The following SLC22A13 variants were observed in gnomAD, a reference collection of about 807,000 sequenced individuals.
The protein encoded by SLC22A13 is organic anion transporter 10.
Under a neutral mutation model 49.1 loss-of-function variants are expected in SLC22A13, and 42 were observed. The ratio of observed to expected loss-of-function variants is 0.85; its 90% CI spans 0.67 to 1.11. The LOEUF is 1.11. SLC22A13 is among the 50% of genes least tolerant of loss of function. The pLI, the probability that SLC22A13 is intolerant of heterozygous loss-of-function variation, is 0.00. For missense variants in SLC22A13, 694 were observed against 712.8 expected (o/e 0.97, Z 0.30); for synonymous variants, 282 against 293.1 (o/e 0.96, Z 0.39).
intron 1 of SLC22A13, among the ~76,000 whole-genome samples, chr3:38,269,032 G>A (rs1455762304): frequency 2.0e-5 from 3 of 152,180 alleles, no homozygotes; most frequent in East Asian, 1.9e-4. Context: ...TTAACAATTA[G>A]CATTAGTGTA....
At chr3:38,266,366 GT>G in intron 1 of SLC22A13, 128 bp downstream of exon 1, 1 of 1,104,006 alleles carries the variant, frequency 9.1e-7, no homozygotes, top group Non-Finnish European at 1.3e-6. Flanking sequence ...GGGCACATAT[GT>G]TTTTCATTTT....
rs201547069 is a variant in SLC22A13 at position 38,276,024 on chromosome 3, C to T, written c.1165C>T (p.Arg389Cys). Residue 389 changes from arginine to cysteine, a missense_variant, in exon 7 of 10, where the codon CGC (arginine) becomes TGC (cysteine). Physicochemically the swap from Arg to Cys is radical, Grantham distance 180. Coordinates refer to ENST00000311856, the MANE Select transcript of SLC22A13 (RefSeq NM_004256.4). ...SSIFMMQRFG[R>C]KWSQLGTLVL... The stretch of plus-strand genomic sequence containing the variant: ...CATCTTCATGATGCAGAGGTTTGGC[C>T]GCAAGTGGAGCCAGTTGGGGACCTT... The T allele has an allele frequency of 1.7e-5, 27 of 1,614,090 alleles. No homozygotes were observed. The highest frequency in any genetic ancestry group is 1.6e-4 in the African/African-American group (12 of 75,022).
chr3:38,278,595 G>A lies in SLC22A13; in HGVS notation c.*1130G>A, dbSNP rs958811595. 1.1e-4 allele frequency among the ~76,000 whole-genome samples: 17 copies of A among 151,940 alleles called. No individual in the cohort carries two copies. The highest frequency in any genetic ancestry group is 2.2e-4 in the Non-Finnish European group (15 of 67,980). Reference sequence around the variant, plus strand: ...AGCACTTTGGGAGGCTGAGGCGGGCGGATTACCTGAGGTCAGGAATTTGAG... The same window carrying A: ...AGCACTTTGGGAGGCTGAGGCGGGCAGATTACCTGAGGTCAGGAATTTGAG... On this transcript the variant is annotated 3_prime_UTR_variant, in exon 10 of 10. Transcript: ENST00000311856.
chr3:38,277,202 A>G, intron 9 of SLC22A13, 75 bp downstream of exon 9: 1 of 1,214,098 alleles, frequency 8.2e-7, no homozygotes, highest in South Asian at 1.4e-5. Flanking sequence ...CCAGGCCTCC[A>G]CCTCATCACT....
chr3:38,271,300 C>G (rs142966343), intron 1 of SLC22A13, among the ~76,000 whole-genome samples: 1 of 152,096 alleles, frequency 6.6e-6, no homozygotes, highest in East Asian at 1.9e-4. Context: ...TGCAGTGGCT[C>G]GTGCCTGTAA....
rs773799834 is a variant in SLC22A13, at chr3:38,275,368, A to G, written c.807-2A>G. The G allele has an allele frequency of 2.5e-6, 4 of 1,614,176 alleles. No individual in the cohort carries two copies. The highest frequency in any genetic ancestry group is 2.2e-5 in the South Asian group (2 of 91,088). On this transcript the variant is annotated splice_acceptor_variant, in intron 4 of 9. Transcript: ENST00000311856. LOFTEE classifies it high-confidence loss of function. ...AAGGTCATAGCCGTTGCTGACCCAC[A>G]GGGCTCTGCCAGAATCTGCACGTTG...
chr3:38,278,200 T>TG lies in SLC22A13; in HGVS notation c.*736dup, dbSNP rs1174700819. ...GCCTCACCCCGCCTCCTCCTGCTCA[T>TG]GCTCAGCTGCTTCTGGACCTTCCAG... On this transcript the variant is annotated 3_prime_UTR_variant, in exon 10 of 10. Transcript: ENST00000311856. 3 of 152,604 alleles carry TG rather than the reference T, an allele frequency of 2.0e-5. No individual in the cohort carries two copies. Among genetic ancestry groups the TG allele is most frequent in the Non-Finnish European group, 4.4e-5 (3 of 68,352 alleles). The allele number at this position is 152,604 out of a possible 1,614,324, so 9.5% of individuals were successfully genotyped here.
chr3:38,273,940 C>T (rs1404269739), intron 1 of SLC22A13, among the ~76,000 whole-genome samples: 2 of 152,234 alleles, frequency 1.3e-5, no homozygotes, highest in African/African-American at 4.8e-5. Context: ...GCTTTCACAG[C>T]AACTGCCAAA....
chr3:38,276,956 G>T lies in SLC22A13; in HGVS notation c.1391G>T (p.Gly464Val). 2 of 1,613,794 alleles carry T rather than the reference G, an allele frequency of 1.2e-6. No homozygotes were observed. The highest frequency in any genetic ancestry group is 1.7e-6 in the Non-Finnish European group (2 of 1,179,910). ...GLVGIFSRIG[G>V]ILTPLVILLG... The stretch of plus-strand genomic sequence containing the variant: ...GTGGGCATCTTCTCACGGATCGGGG[G>T]CATCCTCACACCACTTGTGATCCTG... Residue 464 changes from glycine to valine, a missense_variant, in exon 9 of 10, where the codon GGC (glycine) becomes GTC (valine). Coordinates refer to ENST00000311856, the MANE Select transcript of SLC22A13 (RefSeq NM_004256.4).
At chr3:38,269,842 A>G (rs11928251) in intron 1 of SLC22A13, among the ~76,000 whole-genome samples, 14,176 of 149,524 alleles carry the variant, frequency 0.095, 1,283 homozygotes, top group African/African-American at 0.23. Context: ...CATTAGGTAT[A>G]TCTCCTACAG....
At chr3:38,271,076 T>G (rs1303100262) in intron 1 of SLC22A13, among the ~76,000 whole-genome samples, 1 of 152,250 alleles carries the variant, frequency 6.6e-6, no homozygotes, top group Non-Finnish European at 1.5e-5. Context: ...TTCTGCCCAT[T>G]GACCCAGAGG....
At position 38,266,738 on chromosome 3, in the gene SLC22A13, C is replaced by T. The variant is rs541876018; in HGVS notation, c.378+500C>T. Reference sequence around the variant, plus strand: ...TTCAGCTTTTCTCTCTAGGTCTCTGCCAGCCTGCCCTTGGGACGCTGGAGA... The same window carrying T: ...TTCAGCTTTTCTCTCTAGGTCTCTGTCAGCCTGCCCTTGGGACGCTGGAGA... On this transcript the variant is annotated intron_variant, in intron 1 of 9. Coordinates refer to ENST00000311856, the MANE Select transcript of SLC22A13 (RefSeq NM_004256.4). Among the ~76,000 whole-genome samples the T allele has an allele frequency of 2.6e-5, 4 of 152,300 alleles. No individual in the cohort carries two copies. In the East Asian group the frequency reaches 7.7e-4, roughly 29 times the overall value.
rs1237666915 is a variant in SLC22A13 at position 38,275,430 on chromosome 3, A to G, written c.867A>G (p.Gln289=). The change falls in exon 5 of 10, where the codon CAA becomes CAG. Residue 289 remains glutamine (Q), a synonymous_variant. Coordinates refer to ENST00000311856, the MANE Select transcript of SLC22A13 (RefSeq NM_004256.4). ...LTRGRMDEAI[Q]LIQKAASVNR... is the part of the protein sequence containing the mutation. ...GTGGGAGGATGGACGAGGCGATACA[A>G]CTGATCCAGAAGGCGGCCTCGGTCA... 6 of 1,614,212 alleles carry G rather than the reference A, an allele frequency of 3.7e-6. No individual in the cohort carries two copies. Among genetic ancestry groups the G allele is most frequent in the Non-Finnish European group, 5.1e-6 (6 of 1,180,038 alleles).
rs899621302 is a variant in SLC22A13 at position 38,278,472 on chromosome 3, C to A, written c.*1007C>A. Among the ~76,000 whole-genome samples the A allele has an allele frequency of 2.0e-5, 3 of 152,164 alleles. No individual in the cohort carries two copies. The highest frequency in any genetic ancestry group is 7.2e-5 in the African/African-American group (3 of 41,432). On this transcript the variant is annotated 3_prime_UTR_variant, in exon 10 of 10. Coordinates refer to ENST00000311856, the MANE Select transcript of SLC22A13 (RefSeq NM_004256.4). Reference sequence around the variant, plus strand: ...CTCTTGGGACCCTTCTCCAGCCCCACCCAGCATTGCTCCTACAACCTGTCC... The same window carrying A: ...CTCTTGGGACCCTTCTCCAGCCCCAACCAGCATTGCTCCTACAACCTGTCC...
chr3:38,277,181 A>G (rs1703598005), intron 9 of SLC22A13, 54 bp downstream of exon 9: 1 of 1,369,380 alleles, frequency 7.3e-7, no homozygotes, highest in African/African-American at 1.4e-5. Context: ...TTGGCCACGC[A>G]CTCTATATGC....
At chr3:38,276,165 G>C (rs1027032885) in intron 7 of SLC22A13, 69 bp downstream of exon 7, 1 of 1,517,738 alleles carries the variant, frequency 6.6e-7, no homozygotes, top group South Asian at 1.2e-5. Flanking sequence ...TAGACCAGTG[G>C]CCATTGTTCT....
At position 38,274,612 on chromosome 3, in the gene SLC22A13, G is replaced by A. The variant is rs764806624; in HGVS notation, c.491G>A (p.Arg164His). 11 of 1,613,232 alleles carry A rather than the reference G, an allele frequency of 6.8e-6. No homozygotes were observed. The highest frequency in any genetic ancestry group is 4.4e-5 in the South Asian group (4 of 90,990). Residue 164 changes from arginine (R) to histidine (H), a missense_variant, in exon 3 of 10, where the codon CGC (arginine) becomes CAC (histidine). Transcript: ENST00000311856. ...MFGPLCDRIG[R>H]KATILAQLLL... ...CTGCCCTGTTTCCTCAGGATTGGCC[G>A]CAAGGCCACAATCCTGGCGCAGCTG... is the stretch of plus-strand genomic sequence containing the variant.
At chr3:38,269,045 A>G (rs1045720286) in intron 1 of SLC22A13, among the ~76,000 whole-genome samples, 1 of 152,254 alleles carries the variant, frequency 6.6e-6, no homozygotes, top group Non-Finnish European at 1.5e-5. Context: ...TTAGTGTACT[A>G]GAGAGTCATT....
chr3:38,270,900 C>T (rs1194549857), intron 1 of SLC22A13: 1 of 152,344 alleles, frequency 6.6e-6, no homozygotes, highest in Non-Finnish European at 1.5e-5. Flanking sequence ...TTGGGCCTCT[C>T]ACTCTACCCT....
Sources: allele counts gnomAD v4.1 joint callset (sites outside exome capture counted in the v4.1 genomes callset), GRCh38; gene constraint gnomAD v4.1.1; transcripts MANE v1.5; gene names NCBI Gene and HGNC (gene_info 2026-07-23, HGNC 2026-07-21).